Variants in ADCK1 observed in about 807,000 individuals in gnomAD.
ADCK1 encodes the protein aarF domain containing kinase 1, also known as aarF domain-containing protein kinase 1.
In ADCK1, 41 loss-of-function variants were observed where a neutral mutation model predicts 52.3. The ratio of observed to expected loss-of-function variants is 0.78; its 90% CI spans 0.61 to 1.02. The LOEUF (loss-of-function observed/expected upper bound fraction) is 1.02, where lower values mean the gene tolerates loss of function less well. Ranked by LOEUF, ADCK1 falls within the 50% of genes least tolerant of loss-of-function variation. The pLI is 0.00. For synonymous variants in ADCK1, 250 were observed against 274.6 expected, an observed-to-expected ratio of 0.91 and a Z score of 0.89; for missense variants, 658 against 679.5, an observed-to-expected ratio of 0.97 and a Z score of 0.35.
At chr14:77,816,716 A>G (rs1004278065) in intron 1 of ADCK1, among the ~76,000 whole-genome samples, 10 of 151,646 alleles carry the variant, frequency 6.6e-5, no homozygotes, top group Non-Finnish European at 1.5e-4. Context: ...AGCTTGATCG[A>G]ACCCAAAGAA....
chr14:77,926,638 G>A (rs146017133), intron 9 of ADCK1, among the ~76,000 whole-genome samples: 2 of 152,324 alleles, frequency 1.3e-5, no homozygotes, highest in Non-Finnish European at 2.9e-5. Context: ...ACATCACCAT[G>A]CCTGGCTAAT....
intron 6 of ADCK1, chr14:77,900,522 C>T (rs1303432664): frequency 2.0e-5 from 9 of 443,030 alleles, no homozygotes; most frequent in East Asian, 7.1e-5. Flanking sequence ...AGGAGGCAGA[C>T]GTTGTAGTGA....
At chr14:77,879,820 C>T (rs1014185920) in intron 4 of ADCK1, among the ~76,000 whole-genome samples, 1 of 152,108 alleles carries the variant, frequency 6.6e-6, no homozygotes, top group African/African-American at 2.4e-5. Flanking sequence ...GACTCTGTGC[C>T]CAGCACTCTT....
intron 10 of ADCK1, among the ~76,000 whole-genome samples, chr14:77,932,729 A>G (rs909453887): frequency 6.6e-6 from 1 of 152,230 alleles, no homozygotes; most frequent in African/African-American, 2.4e-5. Flanking sequence ...ATAGGTCATC[A>G]TCATAAACAC....
At chr14:77,904,793 A>G (rs1047509571) in intron 6 of ADCK1, among the ~76,000 whole-genome samples, 6 of 150,368 alleles carry the variant, frequency 4.0e-5, no homozygotes, top group Non-Finnish European at 8.9e-5. Flanking sequence ...GCCGCTGAGC[A>G]CCCTGGCCAT....
chr14:77,925,831 A>G lies in ADCK1; in HGVS notation c.1076A>G (p.Lys359Arg). ...CAGTCTCTGATCTGGACTGACATGA[A>G]GAGAGTGAAGGAGTACAGCCAGCGA... ...LWQSLIWTDMKRVKEYSQRLG... is the reference protein window; with the variant it reads ...LWQSLIWTDMRRVKEYSQRLG... The change falls in exon 9 of 11, where the codon AAG (lysine) becomes AGG (arginine). Residue 359 changes from lysine (K) to arginine (R), a missense_variant. Physicochemically the swap from Lys to Arg is conservative, Grantham distance 26. Transcript: ENST00000238561. 1 of 1,614,200 alleles carries G rather than the reference A, an allele frequency of 6.2e-7. No individual in the cohort carries two copies. Among genetic ancestry groups the G allele is most frequent in the Non-Finnish European group, 8.5e-7 (1 of 1,180,028 alleles).
At chr14:77,899,008 C>T (rs2083471353) in intron 5 of ADCK1, 92 bp from the exon 6 acceptor site, 1 of 1,541,186 alleles carries the variant, frequency 6.5e-7, no homozygotes, top group South Asian at 1.2e-5. Flanking sequence ...GAGCAGTTTC[C>T]CTTACTCTAG....
At chr14:77,866,993 C>G (rs2082675293) in intron 4 of ADCK1, among the ~76,000 whole-genome samples, 2 of 152,332 alleles carry the variant, frequency 1.3e-5, no homozygotes, top group Admixed American at 1.3e-4. Context: ...CAACTTCTCC[C>G]CATCCTCCTC....
intron 4 of ADCK1, among the ~76,000 whole-genome samples, chr14:77,880,880 G>A (rs1426584480): frequency 1.3e-5 from 2 of 152,246 alleles, no homozygotes; most frequent in East Asian, 1.9e-4. Flanking sequence ...TGATGGTCCT[G>A]CAGTAAATAT....
At chr14:77,865,868 A>G (rs2082650407) in intron 4 of ADCK1, among the ~76,000 whole-genome samples, 1 of 152,220 alleles carries the variant, frequency 6.6e-6, no homozygotes, top group South Asian at 2.1e-4. Context: ...AGCTTGCTGC[A>G]GGGCAAGGGG....
intron 1 of ADCK1, among the ~76,000 whole-genome samples, chr14:77,814,464 G>T (rs936264586): frequency 4.0e-5 from 6 of 150,790 alleles, no homozygotes; most frequent in African/African-American, 1.5e-4. Flanking sequence ...TTCTGAGCAT[G>T]GTAGCTCACA....
chr14:77,818,945 C>G (rs1242270924), intron 1 of ADCK1, 23 bp from the exon 2 acceptor site: 4 of 1,608,792 alleles, frequency 2.5e-6, no homozygotes, highest in Non-Finnish European at 2.5e-6. Context: ...GCTATTCTTT[C>G]TCAACTTTCC....
chr14:77,899,956 G>T (rs1566716701), intron 6 of ADCK1, among the ~76,000 whole-genome samples: 1 of 151,952 alleles, frequency 6.6e-6, no homozygotes. Context: ...TGTAATCTCA[G>T]CTGTTTGGGA....
At chr14:77,884,150 C>T (rs559332180) in intron 4 of ADCK1, among the ~76,000 whole-genome samples, 1 of 152,316 alleles carries the variant, frequency 6.6e-6, no homozygotes, top group East Asian at 1.9e-4. Flanking sequence ...ACAATGAGCA[C>T]ATGTTCCTGG....
chr14:77,837,334 C>T (rs1219278915), intron 3 of ADCK1, among the ~76,000 whole-genome samples: 1 of 151,912 alleles, frequency 6.6e-6, no homozygotes, highest in East Asian at 1.9e-4. Context: ...GACAGGGTTT[C>T]GCTGTGCTGG....
At chr14:77,834,434 C>A (rs910811557) in intron 3 of ADCK1, among the ~76,000 whole-genome samples, 2 of 152,204 alleles carry the variant, frequency 1.3e-5, no homozygotes, top group Admixed American at 6.5e-5. Context: ...TTGTCTCGAT[C>A]TTTACCCTGC....
At chr14:77,826,819 A>G (rs1594887256) in intron 3 of ADCK1, among the ~76,000 whole-genome samples, 1 of 151,992 alleles carries the variant, frequency 6.6e-6, no homozygotes, top group South Asian at 2.1e-4. Flanking sequence ...GGAAGGGCTC[A>G]CCCCACCCTT....
At chr14:77,817,545 G>A (rs1283466240) in intron 1 of ADCK1, among the ~76,000 whole-genome samples, 2 of 152,204 alleles carry the variant, frequency 1.3e-5, no homozygotes, top group Admixed American at 1.3e-4. Context: ...GCAGCCACCT[G>A]GTGGACTGAG....
At chr14:77,888,778 T>C (rs1407519232) in intron 5 of ADCK1, among the ~76,000 whole-genome samples, 1 of 152,208 alleles carries the variant, frequency 6.6e-6, no homozygotes, top group African/African-American at 2.4e-5. Context: ...CTATATATAG[T>C]AGTTCCCCCT....
Sources: allele counts gnomAD v4.1 joint callset (sites outside exome capture counted in the v4.1 genomes callset), GRCh38; gene constraint gnomAD v4.1.1; transcripts MANE v1.5; gene names NCBI Gene and HGNC (gene_info 2026-07-23, HGNC 2026-07-21).